CATSPERT: variants seen among roughly 807,000 people sequenced by gnomAD.
CATSPERT encodes the protein cation channel sperm-associated targeting subunit tau.
the CATSPERT span, among the ~76,000 whole-genome samples, chr2:201,598,675 G>A: frequency 3.3e-5 from 5 of 151,834 alleles, no homozygotes; most frequent in Admixed American, 6.6e-5. Flanking sequence ...TCTGTCTCTC[G>A]GGTTCAAGCG....
At chr2:201,535,163 T>C in the CATSPERT span, 44,978 of 983,616 alleles carry the variant, frequency 0.046, 1,171 homozygotes, top group Middle Eastern at 0.053. Flanking sequence ...GTTAAAATTA[T>C]GTCTTTTGAA....
the CATSPERT span, chr2:201,537,289 A>T: frequency 1.7e-6 from 1 of 577,514 alleles, no homozygotes; most frequent in Non-Finnish European, 3.0e-6. Context: ...GAGTGTAACT[A>T]TACAGATATT....
chr2:201,536,107 T>C, the CATSPERT span: 2 of 1,613,526 alleles, frequency 1.2e-6, no homozygotes, highest in Middle Eastern at 3.3e-4. Flanking sequence ...TTTTTCATTT[T>C]TCTGTCTGGC....
the CATSPERT span, among the ~76,000 whole-genome samples, chr2:201,608,926 C>G: frequency 2.0e-5 from 3 of 150,142 alleles, no homozygotes; most frequent in African/African-American, 7.3e-5. Context: ...CAACTATATG[C>G]TGCCTATAAG....
At chr2:201,578,775 C>T in the CATSPERT span, among the ~76,000 whole-genome samples, 1 of 152,082 alleles carries the variant, frequency 6.6e-6, no homozygotes, top group African/African-American at 2.4e-5. Flanking sequence ...GTCTAAGTAT[C>T]TAAGCTTCTA....
the CATSPERT span, among the ~76,000 whole-genome samples, chr2:201,517,657 T>C: frequency 6.6e-6 from 1 of 152,172 alleles, no homozygotes; most frequent in African/African-American, 2.4e-5. Context: ...GGCCAAGGTT[T>C]CCCCCAAAGG....
At chr2:201,583,446 C>A in the CATSPERT span, among the ~76,000 whole-genome samples, 1 of 152,190 alleles carries the variant, frequency 6.6e-6, no homozygotes, top group African/African-American at 2.4e-5. Flanking sequence ...AGTGAAATTG[C>A]AGCCTAAAGT....
chr2:201,520,088 T>C, the CATSPERT span, among the ~76,000 whole-genome samples: 2 of 151,988 alleles, frequency 1.3e-5, no homozygotes, highest in African/African-American at 4.8e-5. Flanking sequence ...CATTATATAA[T>C]AATAACAAAA....
chr2:201,557,310 G>T, the CATSPERT span: 1 of 152,210 alleles, frequency 6.6e-6, no homozygotes, highest in Non-Finnish European at 1.5e-5. Context: ...ATGAGAAGGG[G>T]TGAGAATTAT....
At chr2:201,528,790 A>C in the CATSPERT span, among the ~76,000 whole-genome samples, 1 of 152,140 alleles carries the variant, frequency 6.6e-6, no homozygotes, top group Non-Finnish European at 1.5e-5. Context: ...GAGTATCGAA[A>C]AACTACCTAT....
chr2:201,574,091 A>G, the CATSPERT span: 1 of 625,840 alleles, frequency 1.6e-6, no homozygotes, highest in Non-Finnish European at 2.5e-6. Flanking sequence ...GGAGGTAAAG[A>G]AGCATCTTTT....
chr2:201,567,387 T>C, the CATSPERT span, among the ~76,000 whole-genome samples: 3 of 152,254 alleles, frequency 2.0e-5, no homozygotes, highest in Non-Finnish European at 4.4e-5. Context: ...AGGATGTATA[T>C]ATACATAAAT....
chr2:201,604,647 T>C, the CATSPERT span: 3 of 1,605,226 alleles, frequency 1.9e-6, no homozygotes, highest in Admixed American at 3.4e-5. Context: ...GCGTCTCCTG[T>C]GTTATTTCCA....
At chr2:201,614,354 A>G in the CATSPERT span, among the ~76,000 whole-genome samples, 5 of 152,228 alleles carry the variant, frequency 3.3e-5, no homozygotes, top group Non-Finnish European at 7.3e-5. Context: ...GACTAACAGC[A>G]GATCTCTTGG....
the CATSPERT span, among the ~76,000 whole-genome samples, chr2:201,573,766 C>G: frequency 6.6e-6 from 1 of 152,124 alleles, no homozygotes; most frequent in Non-Finnish European, 1.5e-5. Context: ...AAGCGATTCT[C>G]CTGCCCCAGC....
the CATSPERT span, among the ~76,000 whole-genome samples, chr2:201,576,520 G>T: frequency 6.6e-6 from 1 of 152,118 alleles, no homozygotes; most frequent in Non-Finnish European, 1.5e-5. Flanking sequence ...CTCCCCATAG[G>T]CCAGTTCGTT....
chr2:201,559,396 C>T, the CATSPERT span, among the ~76,000 whole-genome samples: 190 of 152,370 alleles, frequency 1.2e-3, no homozygotes, highest in African/African-American at 4.4e-3. Flanking sequence ...AGCAAAGCAG[C>T]TGTGCCCCCA....
chr2:201,490,925 A>G, the CATSPERT span, among the ~76,000 whole-genome samples: 5 of 152,100 alleles, frequency 3.3e-5, no homozygotes, highest in East Asian at 1.9e-4. Context: ...GGGTTTCACC[A>G]TGTTAGCCAG....
chr2:201,614,625 T>C, the CATSPERT span, among the ~76,000 whole-genome samples: 3 of 152,130 alleles, frequency 2.0e-5, no homozygotes, highest in African/African-American at 7.2e-5. Context: ...GTAAAGACCA[T>C]TGATGCTAGG....
Sources: gnomAD v4.1 joint callset for allele counts (sites outside exome capture counted in the v4.1 genomes callset) on GRCh38, gnomAD v4.1.1 for gene constraint, MANE v1.5 for transcripts, NCBI Gene and HGNC (gene_info 2026-07-23, HGNC 2026-07-21) for gene names.